Variants in BDP1 observed in about 807,000 individuals in gnomAD.
The protein encoded by BDP1 is transcription factor TFIIIB component B'' homolog.
A neutral mutation model predicts 266.6 loss-of-function variants in BDP1; 169 were observed. The observed-to-expected ratio is 0.63, with a 90% CI of 0.56 to 0.72. The LOEUF (loss-of-function observed/expected upper bound fraction) is 0.72. Ranked by LOEUF, BDP1 falls within the 30% of genes least tolerant of loss-of-function variation. The pLI is 0.00. For synonymous variants in BDP1, 1,090 were observed against 1,022.4 expected (o/e 1.07, Z -1.26); for missense variants, 3,015 against 3,053.8 (o/e 0.99, Z 0.30).
At chr5:71,523,385 C>G (rs1000452996) in intron 24 of BDP1, among the ~76,000 whole-genome samples, 3 of 152,134 alleles carry the variant, frequency 2.0e-5, no homozygotes, top group Non-Finnish European at 4.4e-5. Flanking sequence ...CGTGACTCGG[C>G]TCACTGCAAC....
At chr5:71,526,222 C>T (rs909547153) in intron 25 of BDP1, among the ~76,000 whole-genome samples, 8 of 152,122 alleles carry the variant, frequency 5.3e-5, no homozygotes, top group Non-Finnish European at 7.4e-5. Context: ...GGATCACTCG[C>T]GGTTAGGAGC....
chr5:71,512,515 C>T, intron 18 of BDP1, 87 bp downstream of exon 18: 1 of 886,326 alleles, frequency 1.1e-6, no homozygotes, highest in Non-Finnish European at 1.7e-6. Context: ...ATAACATATA[C>T]AGGATAGTGT....
chr5:71,543,691 T>C (rs1383305046), intron 30 of BDP1, among the ~76,000 whole-genome samples: 1 of 152,210 alleles, frequency 6.6e-6, no homozygotes, highest in African/African-American at 2.4e-5. Flanking sequence ...AGATGAAACA[T>C]CTGTCTGAAA....
intron 19 of BDP1, 92 bp from the exon 20 acceptor site, chr5:71,514,852 C>A (rs1765137698): frequency 1.2e-5 from 10 of 860,802 alleles, no homozygotes; most frequent in South Asian, 5.6e-5. Flanking sequence ...CCCTATTATT[C>A]TTCACGAAGA....
At chr5:71,515,153 A>G (rs1291314130) in intron 20 of BDP1, 31 bp downstream of exon 20, 4 of 1,465,970 alleles carry the variant, frequency 2.7e-6, no homozygotes, top group Non-Finnish European at 3.7e-6. Context: ...ACAATATAAA[A>G]TAAGAGAGAT....
At chr5:71,564,706 A>T (rs749144728) in intron 38 of BDP1, 48 bp from the exon 39 acceptor site, 1 of 1,477,954 alleles carries the variant, frequency 6.8e-7, no homozygotes, top group Admixed American at 2.0e-5. Context: ...ATATATATAA[A>T]TGTTGTATTA....
chr5:71,539,937 TA>T (rs1766861853), intron 28 of BDP1, among the ~76,000 whole-genome samples: 1 of 152,116 alleles, frequency 6.6e-6, no homozygotes, highest in Non-Finnish European at 1.5e-5. Context: ...TAGTGAATAC[TA>T]CCTTTACCAT....
At chr5:71,474,793 AC>A (rs1180567723) in intron 7 of BDP1, among the ~76,000 whole-genome samples, 1 of 151,318 alleles carries the variant, frequency 6.6e-6, no homozygotes, top group African/African-American at 2.4e-5. Context: ...GTTGCAGTGA[AC>A]CGAAATTGCA....
In BDP1 at chr5:71,553,700, A is replaced by G. The variant is rs1462050219; in HGVS notation, c.7200+380A>G. ...TATGTAAAATGATAATACTAGTATC[A>G]TCATCATCATCATCATGCCTAAAGC... On this transcript the variant is annotated intron_variant, in intron 35 of 38. Transcript: ENST00000358731. 4.0e-5 allele frequency among the ~76,000 whole-genome samples: 6 copies of G among 151,834 alleles called. No homozygotes were observed. The East Asian group carries it at 9.6e-4, about 24-fold the overall frequency.
chr5:71,561,466 G>A (rs1743646839), intron 37 of BDP1, among the ~76,000 whole-genome samples: 1 of 152,222 alleles, frequency 6.6e-6, no homozygotes, highest in African/African-American at 2.4e-5. Flanking sequence ...GAGAAGCAGT[G>A]TTCTAGAACG....
chr5:71,506,357 G>A (rs1175904924), intron 16 of BDP1, among the ~76,000 whole-genome samples: 3 of 152,104 alleles, frequency 2.0e-5, no homozygotes, highest in Non-Finnish European at 4.4e-5. Flanking sequence ...AAGATTCTGT[G>A]TTTTATCAAA....
rs1764963341 is a variant in BDP1, at chr5:71,512,242, A to G, written c.4061A>G (p.Asn1354Ser). 4 of 1,465,216 alleles carry G rather than the reference A, an allele frequency of 2.7e-6. No homozygotes were observed. Among genetic ancestry groups the G allele is most frequent in the Non-Finnish European group, 3.6e-6 (4 of 1,107,000 alleles). 90.8% of individuals were successfully genotyped at this position (1,465,216 alleles called of 1,614,324 possible). Reference sequence around the variant, plus strand: ...GATTTACTATGACTGTTCCTCTAGAACATTAGCAGTGAAGTACTGTCGATG... The same window carrying G: ...GATTTACTATGACTGTTCCTCTAGAGCATTAGCAGTGAAGTACTGTCGATG... ...FSAVPSLDIQ[N>S]ISSEVLSMMH... Residue 1354 changes from asparagine (N) to serine (S), a missense_variant and splice_region_variant, in exon 18 of 39, where the codon AAC (asparagine) becomes AGC (serine). Transcript: ENST00000358731.
chr5:71,479,611 A>G (rs568443271), intron 7 of BDP1, among the ~76,000 whole-genome samples: 12 of 151,450 alleles, frequency 7.9e-5, no homozygotes, highest in South Asian at 2.1e-4. Context: ...CAGTGGCGCA[A>G]TCTTGGCTCA....
intron 7 of BDP1, among the ~76,000 whole-genome samples, chr5:71,478,939 T>A (rs1339777309): frequency 6.6e-6 from 1 of 152,210 alleles, no homozygotes; most frequent in East Asian, 1.9e-4. Flanking sequence ...GTTCACTGAC[T>A]CTGTCTTTTG....
intron 19 of BDP1, 53 bp downstream of exon 19, chr5:71,513,460 GT>G: frequency 9.6e-7 from 1 of 1,042,998 alleles, no homozygotes; most frequent in South Asian, 1.6e-5. Flanking sequence ...TTTTTTTTAA[GT>G]TATTAGGACT....
intron 16 of BDP1, among the ~76,000 whole-genome samples, chr5:71,505,934 T>C (rs750191924): frequency 1.3e-5 from 2 of 152,192 alleles, no homozygotes; most frequent in East Asian, 3.8e-4. Context: ...AAGATCTTCA[T>C]TGGAAGACAA....
rs142262696 is a variant in BDP1 at position 71,504,302 on chromosome 5, C to T, written c.2242-319C>T. Among the ~76,000 whole-genome samples, 133 of 151,702 alleles carry T rather than the reference C, an allele frequency of 8.8e-4. 1 individual carries two copies. The highest frequency in any genetic ancestry group is 6.8e-3 in the Middle Eastern group (2 of 292). On this transcript the variant is annotated intron_variant, in intron 15 of 38. Coordinates refer to ENST00000358731, the MANE Select transcript of BDP1 (RefSeq NM_018429.3). ...AAAAAAAAAAAGAAAAAAAAATTCC[C>T]GTGATCTATAATGCATTTATAGTAA...
At chr5:71,534,383 CA>C (rs1766454892) in intron 26 of BDP1, among the ~76,000 whole-genome samples, 1 of 152,192 alleles carries the variant, frequency 6.6e-6, no homozygotes, top group African/African-American at 2.4e-5. Flanking sequence ...TATCAAAAAT[CA>C]GCTGACCATA....
rs775398098 is a variant in BDP1 at position 71,549,544 on chromosome 5, C to T, written c.6933C>T (p.Asn2311=). 3 of 1,613,466 alleles carry T rather than the reference C, an allele frequency of 1.9e-6. No individual in the cohort carries two copies. Among genetic ancestry groups the T allele is most frequent in the South Asian group, 2.2e-5 (2 of 90,848 alleles). Residue 2311 remains asparagine (N), a synonymous_variant, in exon 34 of 39, where the codon AAC becomes AAT. Coordinates refer to ENST00000358731, the MANE Select transcript of BDP1 (RefSeq NM_018429.3). The stretch of plus-strand genomic sequence containing the variant: ...ATGCCACTGCACAGTTCATGCCAAA[C>T]CCTTTACTGCCAGCTCCCATATTGG... ...FTDATAQFMP[N]PLLPAPILVK...
Sources: allele counts gnomAD v4.1 joint callset (sites outside exome capture counted in the v4.1 genomes callset), GRCh38; gene constraint gnomAD v4.1.1; transcripts MANE v1.5; gene names NCBI Gene and HGNC (gene_info 2026-07-23, HGNC 2026-07-21).